Variants in VIL1 observed in about 807,000 individuals in gnomAD.
The protein encoded by VIL1 is villin-1.
A neutral mutation model predicts 104.0 loss-of-function variants in VIL1; 86 were observed. The observed-to-expected ratio is 0.83, with a 90% CI of 0.69 to 0.99. VIL1 has a LOEUF of 0.99. Among genes scored for constraint, VIL1 ranks in the 50% least tolerant of loss-of-function variants. The pLI, the probability that VIL1 is intolerant of heterozygous loss-of-function variation, is 0.00. For synonymous variants in VIL1, 394 were observed against 412.6 expected, an observed-to-expected ratio of 0.95 and a Z score of 0.55; for missense variants, 944 against 1,054.1, an observed-to-expected ratio of 0.90 and a Z score of 1.45.
Position 218,452,322 on chromosome 2 carries a change from A to C in VIL1, c.*2986A>C, listed in dbSNP as rs1479637019. Reference sequence around the variant, plus strand: ...TGTCCCTTCCTGGCCCCAACATGCTAACTGCCCCATCCCCAATTCTGGGCA... The same window carrying C: ...TGTCCCTTCCTGGCCCCAACATGCTCACTGCCCCATCCCCAATTCTGGGCA... On this transcript the variant is annotated 3_prime_UTR_variant, in exon 20 of 20. Coordinates refer to ENST00000248444, the MANE Select transcript of VIL1 (RefSeq NM_007127.3). 1 of 152,192 alleles carries C rather than the reference A, an allele frequency of 6.6e-6. No individual in the cohort carries two copies. The highest frequency in any genetic ancestry group is 1.5e-5 in the Non-Finnish European group (1 of 68,032). 9.4% of individuals were successfully genotyped at this position (152,192 alleles called of 1,614,324 possible).
Position 218,430,850 on chromosome 2 carries a change from A to G in VIL1, c.1074A>G (p.Leu358=). 6.2e-7 allele frequency: 1 copy of G among 1,613,958 alleles called. No individual in the cohort carries two copies. Among genetic ancestry groups the G allele is most frequent in the South Asian group, 1.1e-5 (1 of 91,036 alleles). Residue 358 remains leucine (L), a synonymous_variant, in exon 10 of 20, where the codon CTA becomes CTG. Transcript: ENST00000248444. ...KWTASNRTSG[L]GKTHTVGSVA... is the part of the protein sequence containing the mutation. ...CAGCGTCCAACCGGACCTCAGGCCTAGGCAAAACCCACACTGTGGGCTCCG... is the reference window on the plus strand; with the variant it reads ...CAGCGTCCAACCGGACCTCAGGCCTGGGCAAAACCCACACTGTGGGCTCCG...
intron 19 of VIL1, among the ~76,000 whole-genome samples, chr2:218,444,126 C>T (rs1172631165): frequency 6.6e-6 from 1 of 151,974 alleles, no homozygotes; most frequent in Non-Finnish European, 1.5e-5. Context: ...CCACCATACC[C>T]GGCTAATTTG....
chr2:218,420,448 G>A (rs796536527), intron 1 of VIL1, among the ~76,000 whole-genome samples: 57 of 107,126 alleles, frequency 5.3e-4, no homozygotes, highest in Middle Eastern at 5.0e-3. Context: ...AAAAAAAAAA[G>A]AAAAGAAAAA....
chr2:218,430,164 A>G (rs1689071238), intron 9 of VIL1, among the ~76,000 whole-genome samples: 1 of 152,196 alleles, frequency 6.6e-6, no homozygotes, highest in African/African-American at 2.4e-5. Flanking sequence ...TCTGCACACC[A>G]GGGAGCCAAC....
intron 1 of VIL1, among the ~76,000 whole-genome samples, chr2:218,421,980 G>A (rs1481576937): frequency 2.0e-5 from 3 of 152,162 alleles, no homozygotes; most frequent in South Asian, 2.1e-4. Context: ...GGGGCCCGGC[G>A]CGGTGGCTCA....
chr2:218,430,015 G>C lies in VIL1; in HGVS notation c.948+68G>C, dbSNP rs60980715. On this transcript the variant is annotated intron_variant, in intron 9 of 19. Coordinates refer to ENST00000248444, the MANE Select transcript of VIL1 (RefSeq NM_007127.3). ...GATGGGAGGGAGAGAGCAGATAGCAGCATGGGGTGGGCAGGCAGGCTCAGA... is the reference window on the plus strand; with the variant it reads ...GATGGGAGGGAGAGAGCAGATAGCACCATGGGGTGGGCAGGCAGGCTCAGA... 11,196 of 1,414,478 alleles carry C rather than the reference G, an allele frequency of 7.9e-3. 655 individuals carry two copies. In the African/African-American group the frequency reaches 0.13, roughly 17 times the overall value. The allele number at this position is 1,414,478 out of a possible 1,614,324, so 87.6% of individuals were successfully genotyped here.
chr2:218,432,104 T>G lies in VIL1; in HGVS notation c.1262T>G (p.Phe421Cys), dbSNP rs1689109735. Reference protein sequence around the residue: ...VPVDSKWLGHFYGGDCYLLLY... With the variant: ...VPVDSKWLGHCYGGDCYLLLY... The stretch of plus-strand genomic sequence containing the variant: ...GTGGATTCCAAGTGGCTAGGCCACT[T>G]CTATGGGGGCGACTGCTACCTGCTG... Residue 421 changes from phenylalanine (F) to cysteine (C), a missense_variant, in exon 12 of 20, where the codon TTC becomes TGC. Coordinates refer to ENST00000248444, the MANE Select transcript of VIL1 (RefSeq NM_007127.3). 4 of 1,614,032 alleles carry G rather than the reference T, an allele frequency of 2.5e-6. No individual in the cohort carries two copies. The highest frequency in any genetic ancestry group is 3.4e-6 in the Non-Finnish European group (4 of 1,179,978).
At chr2:218,423,647 T>C (rs1013932483) in intron 1 of VIL1, 121 bp from the exon 2 acceptor site, 4 of 884,262 alleles carry the variant, frequency 4.5e-6, no homozygotes, top group African/African-American at 3.3e-5. Flanking sequence ...AGTAACCCTC[T>C]GTGCTCCCCC....
chr2:218,442,711 G>C (rs1196616372), intron 19 of VIL1, among the ~76,000 whole-genome samples: 1 of 152,138 alleles, frequency 6.6e-6, no homozygotes, highest in Non-Finnish European at 1.5e-5. Context: ...ATTGAGAGGA[G>C]AGATAATATA....
At chr2:218,427,931 C>G in intron 4 of VIL1, 34 bp from the exon 5 acceptor site, 1 of 1,601,778 alleles carries the variant, frequency 6.2e-7, no homozygotes, top group Non-Finnish European at 8.5e-7. Context: ...ACCTCCCAGC[C>G]CACTTCCTTG....
chr2:218,433,155 G>A (rs1025423963), intron 13 of VIL1, among the ~76,000 whole-genome samples: 3 of 152,256 alleles, frequency 2.0e-5, no homozygotes, highest in African/African-American at 7.2e-5. Flanking sequence ...GTGTAATTGG[G>A]CCGGGCATGG....
chr2:218,419,964 A>C (rs1216520515), intron 1 of VIL1, among the ~76,000 whole-genome samples: 1 of 152,152 alleles, frequency 6.6e-6, no homozygotes, highest in Admixed American at 6.6e-5. Flanking sequence ...TCCCTCTTCT[A>C]TCATGAGCCT....
intron 18 of VIL1, among the ~76,000 whole-genome samples, chr2:218,439,676 G>A (rs1689251932): frequency 6.6e-6 from 1 of 152,044 alleles, no homozygotes; most frequent in Admixed American, 6.6e-5. Context: ...AAACAGCCAG[G>A]TGTGGTGGTG....
intron 9 of VIL1, 30 bp downstream of exon 9, chr2:218,429,977 A>AGGAGGGCAGAGTGATGGGAGGG (rs772309422): frequency 1.3e-6 from 2 of 1,569,056 alleles, no homozygotes; most frequent in South Asian, 2.2e-5. Context: ...AGGGTCCAGG[A>AGGAGGGCAGAGTGATGGGAGGG]GGAGGGCAGA....
intron 17 of VIL1, 62 bp downstream of exon 17, chr2:218,437,374 T>C (rs1689214147): frequency 1.3e-6 from 2 of 1,565,464 alleles, no homozygotes; most frequent in East Asian, 2.3e-5. Context: ...TGCTGATTCC[T>C]GCAGGCCATT....
chr2:218,442,709 G>A (rs1689303201), intron 19 of VIL1, among the ~76,000 whole-genome samples: 2 of 152,136 alleles, frequency 1.3e-5, no homozygotes, highest in Non-Finnish European at 2.9e-5. Context: ...GTATTGAGAG[G>A]AGAGATAATA....
intron 19 of VIL1, among the ~76,000 whole-genome samples, chr2:218,442,695 AG>A (rs1689303016): frequency 6.6e-6 from 1 of 152,178 alleles, no homozygotes. Context: ...AATCTAGCTT[AG>A]GGGTATTGAG....
Position 218,436,628 on chromosome 2 carries a change from TAGGACCA to T in VIL1, c.1971+6_1971+12del, listed in dbSNP as rs762377915. 3.1e-6 allele frequency: 5 copies of T among 1,613,578 alleles called. No individual in the cohort carries two copies. The African/African-American group carries it at 6.7e-5, about 22-fold the overall frequency. ...TTCCTACTAGATGTCTGGGACCAGG[TAGGACCA>T]AGGGCCTGGGGACCCCTCTTCCCAG... On this transcript the variant is annotated splice_donor_5th_base_variant and intron_variant, in intron 16 of 19. Transcript: ENST00000248444.
chr2:218,439,816 CAA>C (rs35708356), intron 18 of VIL1, among the ~76,000 whole-genome samples: 15 of 51,176 alleles, frequency 2.9e-4, no homozygotes, highest in Non-Finnish European at 4.1e-4. Flanking sequence ...GACCCTGTCT[CAA>C]AAAAAAAAAA....
Sources: allele counts gnomAD v4.1 joint callset (sites outside exome capture counted in the v4.1 genomes callset), GRCh38; gene constraint gnomAD v4.1.1; transcripts MANE v1.5; gene names NCBI Gene and HGNC (gene_info 2026-07-23, HGNC 2026-07-21).